Variants in TFPI observed in about 807,000 individuals in gnomAD.
TFPI encodes the protein anti-convertin.
TFPI carries 15 observed loss-of-function variants against 34.6 expected under a neutral mutation model. That is an observed-to-expected ratio of 0.43 (90% confidence interval 0.29 to 0.67). The LOEUF (loss-of-function observed/expected upper bound fraction) is 0.67. Among genes scored for constraint, TFPI ranks in the 30% least tolerant of loss-of-function variants. The probability of loss-of-function intolerance (pLI) is 0.15; values close to 1 mark genes in which losing one functional copy is unlikely to be tolerated. For missense variants in TFPI, 301 were observed against 364.0 expected (o/e 0.83, Z 1.41); for synonymous variants, 105 against 120.1 (o/e 0.87, Z 0.82).
intron 1 of TFPI, among the ~76,000 whole-genome samples, chr2:187,532,045 G>A (rs774455872): frequency 1.3e-5 from 2 of 151,956 alleles, no homozygotes; most frequent in Non-Finnish European, 2.9e-5. Flanking sequence ...AGTAATACAT[G>A]TGTATTTTTC....
chr2:187,534,343 G>T lies in TFPI; in HGVS notation c.-3+19857C>A, dbSNP rs534162073. On this transcript the variant is annotated intron_variant, in intron 1 of 7. Coordinates refer to ENST00000233156, the MANE Select transcript of TFPI (RefSeq NM_006287.6). ...AGAAATGTTGGGTTTCCCATAAAGG[G>T]AAGCCCATCAGATTAACAGTGGATC... 1.4e-4 allele frequency among the ~76,000 whole-genome samples: 22 copies of T among 152,266 alleles called. 1 individual carries two copies. In the South Asian group the frequency reaches 4.6e-3, roughly 32 times the overall value.
chr2:187,468,901 G>A (rs137872142), intron 6 of TFPI, among the ~76,000 whole-genome samples: 27 of 152,096 alleles, frequency 1.8e-4, no homozygotes, highest in African/African-American at 6.3e-4. Flanking sequence ...GGTGAGATGT[G>A]ATACAAGCAA....
At chr2:187,545,891 A>T (rs1688832181) in intron 1 of TFPI, among the ~76,000 whole-genome samples, 1 of 152,172 alleles carries the variant, frequency 6.6e-6, no homozygotes, top group African/African-American at 2.4e-5. Context: ...ACCAAATAAC[A>T]GGAAATATTA....
intron 6 of TFPI, among the ~76,000 whole-genome samples, chr2:187,475,710 TAAAAAC>T (rs1321899991): frequency 2.0e-5 from 3 of 152,150 alleles, no homozygotes; most frequent in Non-Finnish European, 4.4e-5. Context: ...GAACTGGAAT[TAAAAAC>T]CACATCTTTC....
chr2:187,542,146 T>C (rs1688613009), intron 1 of TFPI, among the ~76,000 whole-genome samples: 1 of 152,052 alleles, frequency 6.6e-6, no homozygotes, highest in South Asian at 2.1e-4. Flanking sequence ...AAGGTTATAG[T>C]TGTATATGGT....
chr2:187,469,479 ATTT>A (rs1691906811), intron 6 of TFPI, among the ~76,000 whole-genome samples: 1 of 152,004 alleles, frequency 6.6e-6, no homozygotes, highest in African/African-American at 2.4e-5. Context: ...TTTTAAAATA[ATTT>A]TTATTGTGTA....
In TFPI at chr2:187,506,432, A is replaced by G. The variant is rs923472267; in HGVS notation, c.-2-2662T>C. 5.9e-5 allele frequency among the ~76,000 whole-genome samples: 9 copies of G among 152,274 alleles called. No homozygotes were observed. In the South Asian group the frequency reaches 1.7e-3, roughly 28 times the overall value. On this transcript the variant is annotated intron_variant, in intron 1 of 7. Coordinates refer to ENST00000233156, the MANE Select transcript of TFPI (RefSeq NM_006287.6). ...TTCCCTATTAACATGTTACGTTAGTATGGTGCACTTATCGTTAATATACCA... is the reference window on the plus strand; with the variant it reads ...TTCCCTATTAACATGTTACGTTAGTGTGGTGCACTTATCGTTAATATACCA...
intron 6 of TFPI, among the ~76,000 whole-genome samples, chr2:187,474,739 A>G (rs994385339): frequency 3.3e-5 from 5 of 152,218 alleles, no homozygotes; most frequent in South Asian, 2.1e-4. Context: ...AAGATGTAAT[A>G]CTTGTCTAAC....
Position 187,467,929 on chromosome 2 carries a change from A to C in TFPI, c.632T>G (p.Phe211Cys). 6.4e-7 allele frequency: 1 copy of C among 1,567,110 alleles called. No individual in the cohort carries two copies. The highest frequency in any genetic ancestry group is 8.6e-7 in the Non-Finnish European group (1 of 1,159,364). ...AGTGAGACACCATGAGGGACCGTGA[A>C]ATTCTAAAAACAATCAGGAAAACAT... ...QSTKVPSLFEFHGPSWCLTPA... is the reference protein window; with the variant it reads ...QSTKVPSLFECHGPSWCLTPA... The change falls in exon 7 of 8, where the codon TTT (phenylalanine) becomes TGT (cysteine). Residue 211 changes from phenylalanine (F) to cysteine (C), a missense_variant. Physicochemically the swap from Phe to Cys is radical, Grantham distance 205. Transcript: ENST00000233156.
intron 6 of TFPI, among the ~76,000 whole-genome samples, chr2:187,479,141 T>A (rs1692627591): frequency 6.6e-6 from 1 of 152,076 alleles, no homozygotes; most frequent in South Asian, 2.1e-4. Context: ...GAGTAATTTG[T>A]GTTTAATGAT....
At chr2:187,468,258 GACACACAC>G (rs61019402) in intron 6 of TFPI, among the ~76,000 whole-genome samples, 196 of 147,126 alleles carry the variant, frequency 1.3e-3, no homozygotes, top group East Asian at 6.6e-3. Flanking sequence ...ATTTCTTACA[GACACACAC>G]ACACACACAC....
chr2:187,483,643 A>G (rs1300445086), intron 6 of TFPI, among the ~76,000 whole-genome samples: 1 of 152,014 alleles, frequency 6.6e-6, no homozygotes, highest in Non-Finnish European at 1.5e-5. Context: ...ATTCAAAAGA[A>G]AATTCCCTCC....
chr2:187,528,829 A>G (rs1336395519), intron 1 of TFPI, among the ~76,000 whole-genome samples: 1 of 151,718 alleles, frequency 6.6e-6, no homozygotes, highest in African/African-American at 2.4e-5. Context: ...TCACTGCTCT[A>G]TGCTGTCAGA....
At chr2:187,482,302 A>G (rs1692925182) in intron 6 of TFPI, among the ~76,000 whole-genome samples, 1 of 152,082 alleles carries the variant, frequency 6.6e-6, no homozygotes, top group Admixed American at 6.6e-5. Context: ...GTCATTCTAA[A>G]TTTTCTTTTA....
Position 187,465,261 on chromosome 2 carries a change from T to C in TFPI, c.*1675A>G, listed in dbSNP as rs1691658284. On this transcript the variant is annotated 3_prime_UTR_variant, in exon 8 of 8. Coordinates refer to ENST00000233156, the MANE Select transcript of TFPI (RefSeq NM_006287.6). Reference sequence around the variant, plus strand: ...GGTTTATACCTGTAATCCCAGCACTTTGGGAGGCTGGGGCTGGAAGATTGC... The same window carrying C: ...GGTTTATACCTGTAATCCCAGCACTCTGGGAGGCTGGGGCTGGAAGATTGC... The C allele has an allele frequency of 6.6e-6, 1 of 151,682 alleles. No homozygotes were observed. Among genetic ancestry groups the C allele is most frequent in the Non-Finnish European group, 1.5e-5 (1 of 67,968 alleles). The allele number at this position is 151,682 out of a possible 1,614,324, so 9.4% of individuals were successfully genotyped here.
At chr2:187,499,289 C>T (rs904045892) in intron 2 of TFPI, among the ~76,000 whole-genome samples, 1 of 151,796 alleles carries the variant, frequency 6.6e-6, no homozygotes, top group Non-Finnish European at 1.5e-5. Flanking sequence ...TACACAAGTA[C>T]TTTTTAATAG....
At chr2:187,494,922 C>A (rs8176460) in intron 3 of TFPI, among the ~76,000 whole-genome samples, 1,607 of 152,142 alleles carry the variant, frequency 0.011, 18 homozygotes, top group African/African-American at 0.037. Flanking sequence ...GGAGTTTCAC[C>A]ATATTGGTGA....
chr2:187,479,814 T>A (rs1206001457), intron 6 of TFPI, among the ~76,000 whole-genome samples: 4 of 150,808 alleles, frequency 2.7e-5, no homozygotes, highest in Non-Finnish European at 4.4e-5. Flanking sequence ...TAAATAGGAA[T>A]GAAAATGGAA....
intron 2 of TFPI, among the ~76,000 whole-genome samples, chr2:187,500,844 C>T (rs1039642788): frequency 3.9e-5 from 6 of 152,102 alleles, no homozygotes; most frequent in Non-Finnish European, 7.4e-5. Context: ...AAATCTGCCT[C>T]GGTTTTCATT....
Sources: allele counts gnomAD v4.1 joint callset (sites outside exome capture counted in the v4.1 genomes callset), GRCh38; gene constraint gnomAD v4.1.1; transcripts MANE v1.5; gene names NCBI Gene and HGNC (gene_info 2026-07-23, HGNC 2026-07-21).